Variants in NCAM1 observed in about 807,000 individuals in gnomAD.
NCAM1 encodes antigen recognized by monoclonal antibody 5.1H11.
Under a neutral mutation model 109.8 loss-of-function variants are expected in NCAM1, and 14 were observed. The ratio of observed to expected loss-of-function variants is 0.13; its 90% CI spans 0.08 to 0.20. NCAM1 has a LOEUF of 0.20. NCAM1 is among the 10% of genes least tolerant of loss of function. The probability of loss-of-function intolerance (pLI) is 1.00; values close to 1 mark genes in which losing one functional copy is unlikely to be tolerated. For synonymous variants in NCAM1, 418 were observed against 442.9 expected (o/e 0.94, Z 0.70); for missense variants, 774 against 1,109.9 (o/e 0.70, Z 4.30).
chr11:113,260,411 A>C (rs1555123118), intron 17 of NCAM1, 88 bp downstream of exon 17: 2 of 1,404,920 alleles, frequency 1.4e-6, no homozygotes. Context: ...AACCCTGACA[A>C]CTTGCTTGCT....
intron 1 of NCAM1, among the ~76,000 whole-genome samples, chr11:112,998,957 T>C (rs1036220535): frequency 6.6e-6 from 1 of 152,158 alleles, no homozygotes; most frequent in African/African-American, 2.4e-5. Flanking sequence ...CATAGTTTCA[T>C]TCTTGATGGA....
At chr11:113,046,023 C>T (rs1555080736) in intron 1 of NCAM1, among the ~76,000 whole-genome samples, 1 of 152,048 alleles carries the variant, frequency 6.6e-6, no homozygotes, top group Admixed American at 6.6e-5. Context: ...TTACTCTGTT[C>T]CCTTTAACAG....
At chr11:113,199,609 A>G (rs148838961) in intron 1 of NCAM1, among the ~76,000 whole-genome samples, 5 of 150,540 alleles carry the variant, frequency 3.3e-5, no homozygotes, top group East Asian at 3.9e-4. Flanking sequence ...TGGGAAGGGG[A>G]ACATCACGCT....
At chr11:113,066,946 G>C (rs935718261) in intron 1 of NCAM1, among the ~76,000 whole-genome samples, 2 of 147,842 alleles carry the variant, frequency 1.4e-5, no homozygotes, top group African/African-American at 2.5e-5. Context: ...GAAGCTTGCA[G>C]TGAGCCGAGA....
chr11:113,103,558 T>A (rs1939975645), intron 1 of NCAM1, among the ~76,000 whole-genome samples: 1 of 152,278 alleles, frequency 6.6e-6, no homozygotes, highest in East Asian at 1.9e-4. Flanking sequence ...CTACGTTACC[T>A]GCCTCCACAC....
chr11:113,155,747 G>A (rs1942388053), intron 1 of NCAM1, among the ~76,000 whole-genome samples: 1 of 152,012 alleles, frequency 6.6e-6, no homozygotes, highest in Non-Finnish European at 1.5e-5. Context: ...TTGTCTTAGA[G>A]TCCTTTCCTG....
At chr11:113,162,480 G>C (rs1942633621) in intron 1 of NCAM1, among the ~76,000 whole-genome samples, 2 of 152,118 alleles carry the variant, frequency 1.3e-5, no homozygotes, top group African/African-American at 4.8e-5. Flanking sequence ...TGCAGTGCTT[G>C]CTTCTGGCCT....
chr11:113,196,183 A>C (rs1167775728), intron 1 of NCAM1, among the ~76,000 whole-genome samples: 1 of 152,188 alleles, frequency 6.6e-6, no homozygotes, highest in African/African-American at 2.4e-5. Flanking sequence ...CTGAGTTCTT[A>C]ATCACAACTG....
At chr11:113,070,997 A>G (rs1257336953) in intron 1 of NCAM1, among the ~76,000 whole-genome samples, 2 of 152,158 alleles carry the variant, frequency 1.3e-5, no homozygotes, top group Non-Finnish European at 2.9e-5. Context: ...TGAGACATCC[A>G]TAGATGGTTG....
At chr11:113,077,260 A>G (rs986298709) in intron 1 of NCAM1, among the ~76,000 whole-genome samples, 1 of 152,212 alleles carries the variant, frequency 6.6e-6, no homozygotes, top group Non-Finnish European at 1.5e-5. Context: ...CTAGTTTTCC[A>G]AGGGAGTCCG....
At chr11:113,231,323 C>A (rs1271531095) in intron 9 of NCAM1, 6 of 1,531,558 alleles carry the variant, frequency 3.9e-6, no homozygotes, top group Admixed American at 2.0e-5. Context: ...GGAGGCTTTG[C>A]TTCCATTTTA....
rs1394846290 is a variant in NCAM1, at chr11:113,045,591, G to A, written c.52+83927G>A. 7.2e-5 allele frequency among the ~76,000 whole-genome samples: 11 copies of A among 152,306 alleles called. 1 individual carries two copies. The highest frequency in any genetic ancestry group is 7.2e-4 in the Admixed American group (11 of 15,300). ...AATAGAACACACAGAACACACTGGA[G>A]CATTAATCTGAGGTTCTTAAATGCC... On this transcript the variant is annotated intron_variant, in intron 1 of 19. Coordinates refer to ENST00000316851, the MANE Select transcript of NCAM1 (RefSeq NM_181351.5).
At position 113,205,221 on chromosome 11, in the gene NCAM1, C is replaced by G. The variant is rs147596415; in HGVS notation, c.347-302C>G. Among the ~76,000 whole-genome samples, 576 of 152,302 alleles carry G rather than the reference C, an allele frequency of 3.8e-3. 3 individuals carry two copies. The highest frequency in any genetic ancestry group is 5.9e-3 in the Non-Finnish European group (402 of 68,022). ...CATTCTACCTATAACCTGTGCTTCACTGGCATCATCCTGCATGACAAGGAA... is the reference window on the plus strand; with the variant it reads ...CATTCTACCTATAACCTGTGCTTCAGTGGCATCATCCTGCATGACAAGGAA... On this transcript the variant is annotated intron_variant, in intron 3 of 19. Transcript: ENST00000316851.
chr11:113,135,479 GC>G (rs148806115), intron 1 of NCAM1, among the ~76,000 whole-genome samples: 1,885 of 152,258 alleles, frequency 0.012, 32 homozygotes, highest in African/African-American at 0.043. Flanking sequence ...AGATAAAGAT[GC>G]GCCCACTGTT....
intron 1 of NCAM1, among the ~76,000 whole-genome samples, chr11:113,070,013 G>T (rs1014931072): frequency 2.0e-5 from 3 of 152,132 alleles, no homozygotes; most frequent in African/African-American, 7.2e-5. Context: ...CACAAGCTCT[G>T]GGTTGGAGAT....
intron 1 of NCAM1, among the ~76,000 whole-genome samples, chr11:113,194,516 G>C (rs1213010240): frequency 6.6e-6 from 1 of 152,170 alleles, no homozygotes; most frequent in East Asian, 1.9e-4. Flanking sequence ...TGCTCTATGA[G>C]TGTAAAGAGC....
intron 1 of NCAM1, among the ~76,000 whole-genome samples, chr11:113,118,166 T>A (rs1940791182): frequency 6.6e-6 from 1 of 151,966 alleles, no homozygotes; most frequent in South Asian, 2.1e-4. Context: ...TTTCTTTTTT[T>A]AATCATAGTA....
chr11:113,124,135 A>C (rs1555096608), intron 1 of NCAM1, among the ~76,000 whole-genome samples: 3 of 152,164 alleles, frequency 2.0e-5, no homozygotes, highest in African/African-American at 7.2e-5. Flanking sequence ...GGAAAGAAGA[A>C]GGGAAAGCTG....
intron 1 of NCAM1, among the ~76,000 whole-genome samples, chr11:113,059,793 T>C (rs1953854036): frequency 1.3e-5 from 2 of 152,214 alleles, no homozygotes; most frequent in Admixed American, 1.3e-4. Flanking sequence ...CTTTGGAAAG[T>C]ATGACTTGTC....
Sources: gnomAD v4.1 joint callset for allele counts (sites outside exome capture counted in the v4.1 genomes callset) on GRCh38, gnomAD v4.1.1 for gene constraint, MANE v1.5 for transcripts, NCBI Gene and HGNC (gene_info 2026-07-23, HGNC 2026-07-21) for gene names.